The following PARD6G variants were observed in gnomAD, a reference collection of about 807,000 sequenced individuals.
PARD6G encodes par-6 family cell polarity regulator gamma, also known as partitioning defective 6 homolog gamma.
In PARD6G, 7 loss-of-function variants were observed where a neutral mutation model predicts 10.7. That is an observed-to-expected ratio of 0.66 (90% CI 0.37 to 1.23). The LOEUF (loss-of-function observed/expected upper bound fraction) is 1.23, where lower values mean the gene tolerates loss of function less well. PARD6G is among the 50% of genes most tolerant of loss of function. PARD6G has a pLI of 0.02. For missense variants in PARD6G, 548 were observed against 571.8 expected (o/e 0.96, Z 0.42); for synonymous variants, 287 against 269.4 (o/e 1.07, Z -0.64).
At chr18:80,219,077 G>T (rs1967201857) in intron 1 of PARD6G, among the ~76,000 whole-genome samples, 1 of 152,236 alleles carries the variant, frequency 6.6e-6, no homozygotes, top group African/African-American at 2.4e-5. Flanking sequence ...TGATGACAGG[G>T]GGCTGCCGTG....
At chr18:80,240,743 G>T (rs9962760) in intron 1 of PARD6G, among the ~76,000 whole-genome samples, 3,826 of 152,210 alleles carry the variant, frequency 0.025, 159 homozygotes, top group African/African-American at 0.088. Flanking sequence ...CTGGTCTTGC[G>T]GGGTGGTGGG....
chr18:80,237,649 T>C (rs1249070786), intron 1 of PARD6G, among the ~76,000 whole-genome samples: 1 of 151,868 alleles, frequency 6.6e-6, no homozygotes, highest in African/African-American at 2.4e-5. Context: ...CAAACAAATT[T>C]ACAAGAAAAA....
chr18:80,244,962 A>C (rs1388684943), intron 1 of PARD6G, among the ~76,000 whole-genome samples: 1 of 152,202 alleles, frequency 6.6e-6, no homozygotes, highest in Non-Finnish European at 1.5e-5. Flanking sequence ...TGGGGAGGGC[A>C]CAACAGCAAG....
chr18:80,236,282 C>T (rs1407780851), intron 1 of PARD6G, among the ~76,000 whole-genome samples: 1 of 152,144 alleles, frequency 6.6e-6, no homozygotes, highest in Non-Finnish European at 1.5e-5. Flanking sequence ...GCAGAAAAGG[C>T]CTTTGACAAA....
chr18:80,186,169 CGCAT>C (rs2052875664), intron 2 of PARD6G, among the ~76,000 whole-genome samples: 1 of 145,322 alleles, frequency 6.9e-6, no homozygotes, highest in Non-Finnish European at 1.5e-5. Flanking sequence ...CCCTCACGCA[CGCAT>C]GCACCCACAC....
chr18:80,202,360 C>T (rs981424523), intron 2 of PARD6G, among the ~76,000 whole-genome samples: 2 of 152,176 alleles, frequency 1.3e-5, no homozygotes, highest in African/African-American at 4.8e-5. Flanking sequence ...ATGCTCCCTC[C>T]TCCTAACAAG....
intron 2 of PARD6G, among the ~76,000 whole-genome samples, chr18:80,185,944 T>C (rs1467696621): frequency 1.3e-5 from 1 of 74,414 alleles, no homozygotes; most frequent in Non-Finnish European, 2.6e-5. Context: ...TTGCACACCC[T>C]CACGCACGCA....
chr18:80,238,565 T>C (rs1967453042), intron 1 of PARD6G, among the ~76,000 whole-genome samples: 1 of 151,632 alleles, frequency 6.6e-6, no homozygotes, highest in African/African-American at 2.4e-5. Context: ...GGTCTGGCGA[T>C]AGAGACCCTA....
rs1476385607 is a variant in PARD6G at position 80,200,946 on chromosome 18, C to T, written c.295+1764G>A. Among the ~76,000 whole-genome samples, 1 of 152,226 alleles carries T rather than the reference C, an allele frequency of 6.6e-6. No homozygotes were observed. The highest frequency in any genetic ancestry group is 2.4e-5 in the African/African-American group (1 of 41,460). On this transcript the variant is annotated intron_variant, in intron 2 of 2. Transcript: ENST00000353265. The surrounding 1 kb of genome is among the most constrained non-coding windows in gnomAD (Gnocchi z 4.4). Reference sequence around the variant, plus strand: ...CTCCACAGTCAGCGGGACAAAAAGACTTGTTTCCTGCACGATGGGCAACAA... The same window carrying T: ...CTCCACAGTCAGCGGGACAAAAAGATTTGTTTCCTGCACGATGGGCAACAA...
At chr18:80,166,625 G>C (rs533406714) in intron 2 of PARD6G, among the ~76,000 whole-genome samples, 1 of 151,056 alleles carries the variant, frequency 6.6e-6, no homozygotes, top group African/African-American at 2.4e-5. Flanking sequence ...CCTCTGTAGA[G>C]AGCGTCAGAC....
At position 80,246,728 on chromosome 18, in the gene PARD6G, G is replaced by A. The variant is rs556371392; in HGVS notation, c.72+549C>T. ...CCGGGTGCGTGCTCTGGGTCTGCGCGGGGGAGCGCGCCTGGTGCCTAGATG... is the reference window on the plus strand; with the variant it reads ...CCGGGTGCGTGCTCTGGGTCTGCGCAGGGGAGCGCGCCTGGTGCCTAGATG... On this transcript the variant is annotated intron_variant, in intron 1 of 2. Coordinates refer to ENST00000353265, the MANE Select transcript of PARD6G (RefSeq NM_032510.4). This position sits in a 1 kb window ranked among gnomAD's most constrained non-coding sequence, Gnocchi z 6.7. Among the ~76,000 whole-genome samples, 1 of 152,046 alleles carries A rather than the reference G, an allele frequency of 6.6e-6. No homozygotes were observed. The highest frequency in any genetic ancestry group is 1.5e-5 in the Non-Finnish European group (1 of 67,962).
At position 80,247,481 on chromosome 18, in the gene PARD6G, G is replaced by T. The variant is rs1967569013; in HGVS notation, c.-133C>A. 5 of 412,920 alleles carry T rather than the reference G, an allele frequency of 1.2e-5. No individual in the cohort carries two copies. The highest frequency in any genetic ancestry group is 1.7e-5 in the Non-Finnish European group (5 of 292,886). The allele number at this position is 412,920 out of a possible 1,614,324, so 25.6% of individuals were successfully genotyped here. On this transcript the variant is annotated 5_prime_UTR_variant, in exon 1 of 3. Transcript: ENST00000353265. The surrounding 1 kb of genome is among the most constrained non-coding windows in gnomAD (Gnocchi z 4.2). ...GCTTGGCCGGCGGGCTGCTCCCGGT[G>T]CTGCGGGCCCGAGCTGGGCTGGCCG...
At chr18:80,186,119 C>CATGCAT (rs2052875080) in intron 2 of PARD6G, among the ~76,000 whole-genome samples, 1 of 145,718 alleles carries the variant, frequency 6.9e-6, no homozygotes, top group South Asian at 2.2e-4. Context: ...CACCCTCACA[C>CATGCAT]GCACCCACAC....
At chr18:80,220,218 C>T (rs1318113767) in intron 1 of PARD6G, among the ~76,000 whole-genome samples, 1 of 152,156 alleles carries the variant, frequency 6.6e-6, no homozygotes, top group Admixed American at 6.5e-5. Context: ...CCTTATAAAA[C>T]CATCAGCTCG....
chr18:80,221,164 C>A (rs1967224300), intron 1 of PARD6G, among the ~76,000 whole-genome samples: 1 of 152,082 alleles, frequency 6.6e-6, no homozygotes, highest in African/African-American at 2.4e-5. Flanking sequence ...CAAAATCAAA[C>A]CTTCACAAAT....
In PARD6G at chr18:80,159,945, G is replaced by A. The variant is rs751386196; in HGVS notation, c.957C>T (p.Pro319=). ...PARPPQTPGA[P]AGSLSRVNGA... ...CATTGACCCGGGAGAGGCTGCCTGCGGGCGCGCCCGGGGTCTGGGGGGGAC... is the reference window on the plus strand; with the variant it reads ...CATTGACCCGGGAGAGGCTGCCTGCAGGCGCGCCCGGGGTCTGGGGGGGAC... The change falls in exon 3 of 3, where the codon CCC becomes CCT. Residue 319 remains proline, a synonymous_variant. Coordinates refer to ENST00000353265, the MANE Select transcript of PARD6G (RefSeq NM_032510.4). 4 of 1,496,508 alleles carry A rather than the reference G, an allele frequency of 2.7e-6. No individual in the cohort carries two copies. Among genetic ancestry groups the A allele is most frequent in the African/African-American group, 1.4e-5 (1 of 69,786 alleles). 92.7% of individuals were successfully genotyped at this position (1,496,508 alleles called of 1,614,324 possible). A position where few individuals can be genotyped will look rare whatever the true frequency, so the allele number is the denominator to read the frequency against.
At chr18:80,221,012 G>A (rs971945457) in intron 1 of PARD6G, among the ~76,000 whole-genome samples, 4 of 152,054 alleles carry the variant, frequency 2.6e-5, no homozygotes, top group Non-Finnish European at 2.9e-5. Flanking sequence ...TACCAAAACT[G>A]ACTCAAAAAG....
intron 2 of PARD6G, among the ~76,000 whole-genome samples, chr18:80,177,176 T>TACACAC (rs1305752109): frequency 5.1e-5 from 4 of 79,118 alleles, no homozygotes; most frequent in Non-Finnish European, 4.7e-5. Context: ...GAAACACACA[T>TACACAC]ACACACACAC....
Position 80,202,698 on chromosome 18 carries a change from C to G in PARD6G, c.295+12G>C. ...TCAACAAGACCAGCCGGCCACTCAACCACTTCAGTACCTCGTTTCTGGATG... is the reference window on the plus strand; with the variant it reads ...TCAACAAGACCAGCCGGCCACTCAAGCACTTCAGTACCTCGTTTCTGGATG... On this transcript the variant is annotated intron_variant, in intron 2 of 2. Transcript: ENST00000353265. 1 of 1,609,130 alleles carries G rather than the reference C, an allele frequency of 6.2e-7. No homozygotes were observed. Among genetic ancestry groups the G allele is most frequent in the Middle Eastern group, 2.1e-4 (1 of 4,714 alleles).
Sources: allele counts gnomAD v4.1 joint callset (sites outside exome capture counted in the v4.1 genomes callset), GRCh38; gene constraint gnomAD v4.1.1; non-coding constraint Gnocchi (gnomAD v3.1); transcripts MANE v1.5; gene names NCBI Gene and HGNC (gene_info 2026-07-23, HGNC 2026-07-21).